The following DNM3 variants were observed in gnomAD, a reference collection of about 807,000 sequenced individuals.
DNM3 encodes the protein dynamin 3, also known as dynamin-3.
In DNM3, 47 loss-of-function variants were observed where a neutral mutation model predicts 101.6. That is an observed-to-expected ratio of 0.46 (90% confidence interval 0.37 to 0.59). DNM3 has a LOEUF of 0.59. Ranked by LOEUF, DNM3 falls within the 20% of genes least tolerant of loss-of-function variation. The probability of loss-of-function intolerance (pLI) is 0.00; values close to 1 mark genes in which losing one functional copy is unlikely to be tolerated. For synonymous variants in DNM3, 385 were observed against 387.9 expected, an observed-to-expected ratio of 0.99 and a Z score of 0.09; for missense variants, 849 against 1,085.7, an observed-to-expected ratio of 0.78 and a Z score of 3.06.
intron 4 of DNM3, among the ~76,000 whole-genome samples, chr1:172,015,758 T>A (rs1484971611): frequency 6.6e-6 from 1 of 152,218 alleles, no homozygotes; most frequent in Non-Finnish European, 1.5e-5. Context: ...TAAAGAGTTA[T>A]TTCATTTTCT....
intron 2 of DNM3, among the ~76,000 whole-genome samples, chr1:171,956,273 A>G (rs1426944259): frequency 6.6e-6 from 1 of 152,244 alleles, no homozygotes; most frequent in Non-Finnish European, 1.5e-5. Context: ...ATCAAAAGTA[A>G]GTTAGTTACT....
intron 14 of DNM3, among the ~76,000 whole-genome samples, chr1:172,248,404 T>A (rs1573126206): frequency 6.6e-6 from 1 of 152,268 alleles, no homozygotes; most frequent in East Asian, 1.9e-4. Context: ...CTGTTACATG[T>A]AAACACAAAA....
intron 14 of DNM3, among the ~76,000 whole-genome samples, chr1:172,214,444 TA>T (rs201122900): frequency 2.4e-4 from 36 of 149,180 alleles, no homozygotes; most frequent in East Asian, 5.9e-4. Flanking sequence ...TAAAGTATAA[TA>T]AAAAAAAAGA....
At chr1:171,902,628 T>A (rs188554919) in intron 1 of DNM3, among the ~76,000 whole-genome samples, 435 of 152,090 alleles carry the variant, frequency 2.9e-3, no homozygotes, top group African/African-American at 1.0e-2. Flanking sequence ...TTTTTTTTTT[T>A]AAACTAACAT....
intron 2 of DNM3, among the ~76,000 whole-genome samples, chr1:171,922,196 A>G (rs2040233386): frequency 6.6e-6 from 1 of 151,796 alleles, no homozygotes; most frequent in South Asian, 2.1e-4. Context: ...TTAACTCATA[A>G]AATTCAACAA....
At position 172,186,141 on chromosome 1, in the gene DNM3, T is replaced by A. The variant is rs2059515456; in HGVS notation, c.1659+54853T>A. Reference sequence around the variant, plus strand: ...GGAAGACATTCCAGAGTTTGGGGGATGACAGAACATCTTTTGGGTGCTTAG... The same window carrying A: ...GGAAGACATTCCAGAGTTTGGGGGAAGACAGAACATCTTTTGGGTGCTTAG... On this transcript the variant is annotated intron_variant, in intron 14 of 20. Coordinates refer to ENST00000627582, the MANE Select transcript of DNM3 (RefSeq NM_015569.5). Among the ~76,000 whole-genome samples the A allele has an allele frequency of 5.3e-5, 8 of 152,096 alleles. 1 individual carries two copies. The highest frequency in any genetic ancestry group is 5.3e-4 in the Admixed American group (8 of 15,238).
intron 12 of DNM3, among the ~76,000 whole-genome samples, chr1:172,089,425 A>G (rs1023273064): frequency 1.3e-5 from 2 of 152,234 alleles, no homozygotes; most frequent in Admixed American, 6.5e-5. Context: ...GCTCAAGTTA[A>G]CTTGCAAGTC....
Position 172,408,473 on chromosome 1 carries a change from G to GT in DNM3, c.*636dup, listed in dbSNP as rs2071042242. 1.0e-6 allele frequency: 1 copy of GT among 985,208 alleles called. No individual in the cohort carries two copies. Among genetic ancestry groups the GT allele is most frequent in the Non-Finnish European group, 1.2e-6 (1 of 829,904 alleles). The allele number at this position is 985,208 out of a possible 1,614,324, so 61.0% of individuals were successfully genotyped here. ...AAAGAGCTTCTCCTCATTCCAATGTGTTTTGCTTCATGCTAGAAGCATATG... is the reference window on the plus strand; with the variant it reads ...AAAGAGCTTCTCCTCATTCCAATGTGTTTTTGCTTCATGCTAGAAGCATATG... On this transcript the variant is annotated 3_prime_UTR_variant, in exon 21 of 21. Coordinates refer to ENST00000627582, the MANE Select transcript of DNM3 (RefSeq NM_015569.5).
rs185995014 is a variant in DNM3 at position 171,915,551 on chromosome 1, C to T, written c.162-6197C>T. Among the ~76,000 whole-genome samples, 18 of 152,154 alleles carry T rather than the reference C, an allele frequency of 1.2e-4. No homozygotes were observed. The East Asian group carries it at 2.7e-3, about 23-fold the overall frequency. ...GATGATTCCCAGGTGCTAGGCTTGG[C>T]GGACATTTATGGATGCTGATGATGT... On this transcript the variant is annotated intron_variant, in intron 1 of 20. Transcript: ENST00000627582.
intron 20 of DNM3, chr1:172,393,879 G>A (rs1019393413): frequency 1.1e-4 from 17 of 152,618 alleles, no homozygotes; most frequent in African/African-American, 4.1e-4. Flanking sequence ...AATATTTAAG[G>A]TGTCTCATGA....
chr1:171,876,661 C>T (rs76848910), intron 1 of DNM3, among the ~76,000 whole-genome samples: 2,467 of 152,260 alleles, frequency 0.016, 40 homozygotes, highest in Middle Eastern at 0.037. Context: ...AGTAGGTGCC[C>T]ATCAAACCTT....
intron 14 of DNM3, among the ~76,000 whole-genome samples, chr1:172,235,110 G>T (rs2061488466): frequency 6.6e-6 from 1 of 152,068 alleles, no homozygotes; most frequent in Non-Finnish European, 1.5e-5. Flanking sequence ...ATCTGACAAA[G>T]GGCTAATATC....
At chr1:171,948,803 G>C (rs1177589076) in intron 2 of DNM3, among the ~76,000 whole-genome samples, 2 of 152,008 alleles carry the variant, frequency 1.3e-5, no homozygotes, top group Admixed American at 6.6e-5. Flanking sequence ...AAGTACTAAG[G>C]TCAAGATTTG....
At chr1:172,325,984 A>T (rs1367131228) in intron 17 of DNM3, among the ~76,000 whole-genome samples, 1 of 152,192 alleles carries the variant, frequency 6.6e-6, no homozygotes, top group African/African-American at 2.4e-5. Context: ...TATATGGAAC[A>T]ATCCTGCTAT....
At chr1:172,087,466 C>A (rs148191567) in intron 12 of DNM3, among the ~76,000 whole-genome samples, 1 of 152,244 alleles carries the variant, frequency 6.6e-6, no homozygotes, top group East Asian at 1.9e-4. Flanking sequence ...TATTGGACAT[C>A]TCTACTTATA....
intron 17 of DNM3, among the ~76,000 whole-genome samples, chr1:172,365,321 G>A (rs555440764): frequency 1.3e-5 from 2 of 151,986 alleles, no homozygotes; most frequent in African/African-American, 4.8e-5. Flanking sequence ...AACAAGGTTG[G>A]CCATGTGGTG....
intron 7 of DNM3, 25 bp downstream of exon 7, chr1:172,038,486 C>T: frequency 6.2e-7 from 1 of 1,604,676 alleles, no homozygotes; most frequent in Non-Finnish European, 8.5e-7. Context: ...CCTTCCTTGG[C>T]TCAGCATTTT....
chr1:172,139,634 G>T (rs1572685041), intron 14 of DNM3: 1 of 152,166 alleles, frequency 6.6e-6, no homozygotes, highest in South Asian at 2.1e-4. Context: ...ATAGGGCCAT[G>T]CTGTGAATCA....
At chr1:172,026,881 C>T (rs1312122245) in intron 4 of DNM3, among the ~76,000 whole-genome samples, 2 of 152,098 alleles carry the variant, frequency 1.3e-5, no homozygotes, top group African/African-American at 2.4e-5. Context: ...TCTCGATCTC[C>T]TGACCTCGTG....
Sources: allele counts gnomAD v4.1 joint callset (sites outside exome capture counted in the v4.1 genomes callset), GRCh38; gene constraint gnomAD v4.1.1; transcripts MANE v1.5; gene names NCBI Gene and HGNC (gene_info 2026-07-23, HGNC 2026-07-21).